Variants in HHIP observed in about 807,000 individuals in gnomAD.
HHIP encodes the protein hedgehog-interacting protein.
In HHIP, 12 loss-of-function variants were observed where a neutral mutation model predicts 74.0. The observed-to-expected ratio is 0.16, with a 90% CI of 0.10 to 0.26. HHIP has a LOEUF of 0.26. HHIP is among the 10% of genes least tolerant of loss of function. The pLI is 1.00. For synonymous variants in HHIP, 309 were observed against 311.6 expected (o/e 0.99, Z 0.09); for missense variants, 788 against 845.0 (o/e 0.93, Z 0.84).
intron 11 of HHIP, among the ~76,000 whole-genome samples, chr4:144,720,901 G>C (rs904036266): frequency 6.6e-6 from 1 of 152,114 alleles, no homozygotes; most frequent in Admixed American, 6.6e-5. Context: ...ACTTAAGTAT[G>C]TGAACAGGAT....
chr4:144,701,004 CTT>C (rs149906515), intron 4 of HHIP, among the ~76,000 whole-genome samples: 2,199 of 152,276 alleles, frequency 0.014, 53 homozygotes, highest in African/African-American at 0.049. Context: ...CCCAAGTCCT[CTT>C]TTTCCTCTTT....
intron 4 of HHIP, among the ~76,000 whole-genome samples, chr4:144,670,656 C>CCCT (rs1729011876): frequency 7.4e-6 from 1 of 135,496 alleles, no homozygotes; most frequent in Admixed American, 7.9e-5. Context: ...ATGTCTGTTT[C>CCCT]ATAAGAAACC....
At chr4:144,689,025 G>T (rs532465648) in intron 4 of HHIP, among the ~76,000 whole-genome samples, 2 of 152,250 alleles carry the variant, frequency 1.3e-5, no homozygotes, top group South Asian at 2.1e-4. Flanking sequence ...CTTCCCAAGG[G>T]TTTGGTTTGC....
At position 144,738,751 on chromosome 4, in the gene HHIP, C is replaced by T; in HGVS notation, c.*794C>T. ...CTAGATGAAACACCTTTACCCTGTC[C>T]TGTAAAACACTAAAGTTACATTTTT... On this transcript the variant is annotated 3_prime_UTR_variant, in exon 13 of 13. Transcript: ENST00000296575. 1.2e-6 allele frequency: 1 copy of T among 824,760 alleles called. No homozygotes were observed. The highest frequency in any genetic ancestry group is 1.5e-6 in the Non-Finnish European group (1 of 683,332). The allele number at this position is 824,760 out of a possible 1,614,324, so 51.1% of individuals were successfully genotyped here.
At position 144,725,120 on chromosome 4, in the gene HHIP, TATC is replaced by T. The variant is rs567172055; in HGVS notation, c.1760+6169_1760+6171del. 2.0e-3 allele frequency among the ~76,000 whole-genome samples: 307 copies of T among 152,308 alleles called. 2 individuals carry two copies. The highest frequency in any genetic ancestry group is 6.9e-3 in the African/African-American group (285 of 41,564). Reference sequence around the variant, plus strand: ...CTTATACTTTTATAGTAAATTAGTATATCATCAGATATTGCAGAACCTTAAAGA... The same window carrying T: ...CTTATACTTTTATAGTAAATTAGTATATCAGATATTGCAGAACCTTAAAGA... On this transcript the variant is annotated intron_variant, in intron 11 of 12. Transcript: ENST00000296575.
chr4:144,690,455 T>C (rs1729617098), intron 4 of HHIP, among the ~76,000 whole-genome samples: 1 of 152,222 alleles, frequency 6.6e-6, no homozygotes, highest in African/African-American at 2.4e-5. Flanking sequence ...TTTGCAGAAG[T>C]GCTGGAGCTG....
chr4:144,718,349 C>T (rs1169450397), intron 10 of HHIP, among the ~76,000 whole-genome samples: 2 of 152,156 alleles, frequency 1.3e-5, no homozygotes, highest in Non-Finnish European at 2.9e-5. Flanking sequence ...GAGCTGGGAA[C>T]TTGCCTCTCC....
Position 144,708,266 on chromosome 4 carries a change from A to T in HHIP, c.1256A>T (p.Asn419Ile). The T allele has an allele frequency of 6.2e-7, 1 of 1,614,152 alleles. No individual in the cohort carries two copies. Among genetic ancestry groups the T allele is most frequent in the Non-Finnish European group, 8.5e-7 (1 of 1,180,016 alleles). The change falls in exon 7 of 13, where the codon AAC (asparagine) becomes ATC (isoleucine). Residue 419 changes from asparagine (N) to isoleucine (I), a missense_variant. Coordinates refer to ENST00000296575, the MANE Select transcript of HHIP (RefSeq NM_022475.3). ...AGCAACCCACACTTCAACAGCACCA[A>T]CCAGCCCCCCGAAGTGTTTGCTCAT... ...PRSNPHFNSTNQPPEVFAHGL... is the reference protein window; with the variant it reads ...PRSNPHFNSTIQPPEVFAHGL...
Position 144,715,365 on chromosome 4 carries a change from G to T in HHIP, c.1613G>T (p.Gly538Val). 5.6e-6 allele frequency: 9 copies of T among 1,613,322 alleles called. No homozygotes were observed. Among genetic ancestry groups the T allele is most frequent in the Non-Finnish European group, 7.6e-6 (9 of 1,179,426 alleles). Residue 538 changes from glycine (G) to valine (V), a missense_variant, in exon 10 of 13, where the codon GGC becomes GTC. Around this residue, in one of 3 missense-constraint regions of HHIP, gnomAD observed 343 missense variants for 347.9 expected, o/e 0.99. Coordinates refer to ENST00000296575, the MANE Select transcript of HHIP (RefSeq NM_022475.3). ...KQWQEKPLCL[G>V]TSGSCRGYFS... is the part of the protein sequence containing the mutation. ...TGGCAAGAAAAACCACTCTGTCTCGGCACTAGTGGGTCCTGTAGAGGCTAC... is the reference window on the plus strand; with the variant it reads ...TGGCAAGAAAAACCACTCTGTCTCGTCACTAGTGGGTCCTGTAGAGGCTAC...
At chr4:144,668,857 T>C (rs1728952232) in intron 4 of HHIP, among the ~76,000 whole-genome samples, 1 of 152,122 alleles carries the variant, frequency 6.6e-6, no homozygotes, top group Non-Finnish European at 1.5e-5. Flanking sequence ...CACTGACAAA[T>C]TTTTTATATA....
rs756719031 is a variant in HHIP, at chr4:144,738,452, G to C, written c.*495G>C. The C allele has an allele frequency of 1.2e-5, 12 of 978,768 alleles. No homozygotes were observed. The highest frequency in any genetic ancestry group is 1.5e-5 in the Non-Finnish European group (12 of 823,692). The allele number at this position is 978,768 out of a possible 1,614,324, so 60.6% of individuals were successfully genotyped here. ...AGAACTCCCTGATGAATTTCTAAGT[G>C]AGCAACTTGATATAAAATTGTAATC... On this transcript the variant is annotated 3_prime_UTR_variant, in exon 13 of 13. Transcript: ENST00000296575.
rs1195989018 is a variant in HHIP, at chr4:144,740,362, G to A, written c.*2405G>A. 1 of 152,162 alleles carries A rather than the reference G, an allele frequency of 6.6e-6. No individual in the cohort carries two copies. Among genetic ancestry groups the A allele is most frequent in the Non-Finnish European group, 1.5e-5 (1 of 68,032 alleles). The allele number at this position is 152,162 out of a possible 1,614,324, so 9.4% of individuals were successfully genotyped here. A position where few individuals can be genotyped will look rare whatever the true frequency, so the allele number is the denominator to read the frequency against. On this transcript the variant is annotated 3_prime_UTR_variant, in exon 13 of 13. Transcript: ENST00000296575. ...TTTCCCAAGTGAAAGATTTTCAAGT[G>A]ACTTAGAAAAACATATGTGCCCCAG...
rs144084099 is a variant in HHIP, at chr4:144,660,020, T to C, written c.831+182T>C. ...TTAGGACAGTGACATTAAATTTCTG[T>C]TATTTGTTGACTATTGTGCGCTGCA... is the stretch of plus-strand genomic sequence containing the variant. On this transcript the variant is annotated intron_variant, in intron 4 of 12. Transcript: ENST00000296575. 325 of 592,774 alleles carry C rather than the reference T, an allele frequency of 5.5e-4. 2 individuals are homozygous for C. Among genetic ancestry groups the C allele is most frequent in the African/African-American group, 5.1e-3 (274 of 53,732 alleles). 36.7% of individuals were successfully genotyped at this position (592,774 alleles called of 1,614,324 possible). A position where few individuals can be genotyped will look rare whatever the true frequency, so the allele number is the denominator to read the frequency against.
At chr4:144,724,593 C>T (rs1377384912) in intron 11 of HHIP, among the ~76,000 whole-genome samples, 1 of 149,644 alleles carries the variant, frequency 6.7e-6, no homozygotes, top group South Asian at 2.1e-4. Context: ...ACTAGCATAT[C>T]CATCGCCTTA....
At chr4:144,694,215 T>C (rs562114683) in intron 4 of HHIP, among the ~76,000 whole-genome samples, 12 of 152,008 alleles carry the variant, frequency 7.9e-5, no homozygotes, top group African/African-American at 2.9e-4. Flanking sequence ...GTACCGTAAT[T>C]GTTATATGAC....
At chr4:144,661,721 T>C (rs948431325) in intron 4 of HHIP, among the ~76,000 whole-genome samples, 5 of 152,176 alleles carry the variant, frequency 3.3e-5, no homozygotes, top group African/African-American at 9.6e-5. Flanking sequence ...CAGAGACTTG[T>C]AATGTAAAAG....
chr4:144,725,756 C>T (rs999624334), intron 11 of HHIP, among the ~76,000 whole-genome samples: 1 of 152,054 alleles, frequency 6.6e-6, no homozygotes, highest in African/African-American at 2.4e-5. Flanking sequence ...GCAACCTCTG[C>T]CTCCCGGGTT....
chr4:144,715,487 T>G (rs899229155), intron 10 of HHIP, 57 bp downstream of exon 10: 20 of 1,547,726 alleles, frequency 1.3e-5, no homozygotes, highest in Non-Finnish European at 1.8e-5. Context: ...TCAAGAGGCT[T>G]TGTTCTGCCC....
chr4:144,701,146 A>G (rs1729971468), intron 4 of HHIP, among the ~76,000 whole-genome samples: 1 of 152,184 alleles, frequency 6.6e-6, no homozygotes, highest in East Asian at 1.9e-4. Context: ...CTCTATTCTT[A>G]TATTAATTCT....
Sources: gnomAD v4.1 joint callset for allele counts (sites outside exome capture counted in the v4.1 genomes callset) on GRCh38, gnomAD v4.1.1 for gene constraint, gnomAD v4.1.1 regional missense constraint, MANE v1.5 for transcripts, NCBI Gene and HGNC (gene_info 2026-07-23, HGNC 2026-07-21) for gene names.